Variants in ZNF638 observed in about 807,000 individuals in gnomAD.
The protein encoded by ZNF638 is zinc finger protein 638, also known as CTCL tumor antigen se33-1.
ZNF638 carries 46 observed loss-of-function variants against 195.6 expected under a neutral mutation model. That is an observed-to-expected ratio of 0.24 (90% confidence interval 0.19 to 0.30). The LOEUF is 0.30. Among genes scored for constraint, ZNF638 ranks in the 10% least tolerant of loss-of-function variants. The probability of loss-of-function intolerance (pLI) is 1.00; values close to 1 mark genes in which losing one functional copy is unlikely to be tolerated. For missense variants in ZNF638, 2,440 were observed against 2,325.3 expected (o/e 1.05, Z -1.01); for synonymous variants, 845 against 772.0 (o/e 1.09, Z -1.57).
intron 10 of ZNF638, among the ~76,000 whole-genome samples, chr2:71,394,966 A>G (rs1472288203): frequency 3.9e-5 from 6 of 152,228 alleles, no homozygotes; most frequent in Non-Finnish European, 7.3e-5. Context: ...GAGCATAAGC[A>G]TATCTGTGTC....
At chr2:71,396,048 G>T in intron 10 of ZNF638, 93 bp from the exon 11 acceptor site, 2 of 1,173,486 alleles carry the variant, frequency 1.7e-6, no homozygotes, top group South Asian at 1.3e-5. Context: ...TTCTTGCAGG[G>T]TTCTTTCGAA....
rs542133995 is a variant in ZNF638 at position 71,401,845 on chromosome 2, C to T, written c.2698-111C>T. ...CAGCCTCTTGAGTTTATCAGACTTT[C>T]CTCAGTATTAAATGCAACAATATAC... On this transcript the variant is annotated intron_variant, in intron 15 of 27. Transcript: ENST00000264447. 3 of 941,204 alleles carry T rather than the reference C, an allele frequency of 3.2e-6. No individual in the cohort carries two copies. The Admixed American group carries it at 9.8e-5, about 31-fold the overall frequency. 58.3% of individuals were successfully genotyped at this position (941,204 alleles called of 1,614,324 possible).
rs1055120961 is a variant in ZNF638 at position 71,426,347 on chromosome 2, A to G, written c.4591-113A>G. Reference sequence around the variant, plus strand: ...TTAATTTTAGCCTTTAGGAAAACTAATTTGCACTGAAATTCTCCCAAATGA... The same window carrying G: ...TTAATTTTAGCCTTTAGGAAAACTAGTTTGCACTGAAATTCTCCCAAATGA... On this transcript the variant is annotated intron_variant, in intron 23 of 27. Coordinates refer to ENST00000264447, the MANE Select transcript of ZNF638 (RefSeq NM_014497.5). 6.3e-6 allele frequency: 5 copies of G among 787,624 alleles called. No individual in the cohort carries two copies. In the African/African-American group the frequency reaches 7.0e-5, roughly 11 times the overall value. The allele number at this position is 787,624 out of a possible 1,614,324, so 48.8% of individuals were successfully genotyped here.
chr2:71,407,216 A>G (rs2080123520), intron 19 of ZNF638: 1 of 152,226 alleles, frequency 6.6e-6, no homozygotes, highest in South Asian at 2.1e-4. Context: ...CAACAACTAG[A>G]TAATTTCTTT....
At chr2:71,370,053 T>C (rs1245903323) in intron 8 of ZNF638, 48 bp downstream of exon 8, 1 of 1,576,336 alleles carries the variant, frequency 6.3e-7, no homozygotes, top group South Asian at 1.2e-5. Flanking sequence ...TGTTTTAGTT[T>C]AACTTTTTTG....
At chr2:71,356,801 T>A (rs1296754811) in intron 3 of ZNF638, among the ~76,000 whole-genome samples, 1 of 152,004 alleles carries the variant, frequency 6.6e-6, no homozygotes, top group African/African-American at 2.4e-5. Flanking sequence ...AAAATTTTTT[T>A]TTTTTAAGTA....
chr2:71,370,851 T>C (rs986531709), intron 8 of ZNF638, among the ~76,000 whole-genome samples: 13 of 152,330 alleles, frequency 8.5e-5, no homozygotes, highest in South Asian at 6.2e-4. Flanking sequence ...TATACTCTTA[T>C]AATTGTTTAA....
Position 71,388,487 on chromosome 2 carries a change from A to G in ZNF638, c.2378-7654A>G, listed in dbSNP as rs766332121. 16 of 696,990 alleles carry G rather than the reference A, an allele frequency of 2.3e-5. 1 individual carries two copies. In the Admixed American group the frequency reaches 2.4e-4, roughly 11 times the overall value. 43.2% of individuals were successfully genotyped at this position (696,990 alleles called of 1,614,324 possible). On this transcript the variant is annotated intron_variant, in intron 10 of 27. Coordinates refer to ENST00000264447, the MANE Select transcript of ZNF638 (RefSeq NM_014497.5). ...TCCAGGCCTTTGTCATTAAATCTGTACTAAATAAATACAAGCAGCTCCAGC... is the reference window on the plus strand; with the variant it reads ...TCCAGGCCTTTGTCATTAAATCTGTGCTAAATAAATACAAGCAGCTCCAGC...
chr2:71,387,327 A>G (rs2079661747), intron 10 of ZNF638, among the ~76,000 whole-genome samples: 1 of 152,232 alleles, frequency 6.6e-6, no homozygotes, highest in Non-Finnish European at 1.5e-5. Flanking sequence ...TAGTTGGAAA[A>G]AGATCAATTA....
intron 7 of ZNF638, among the ~76,000 whole-genome samples, chr2:71,369,595 G>A (rs1312280469): frequency 6.6e-6 from 1 of 152,110 alleles, no homozygotes; most frequent in African/African-American, 2.4e-5. Context: ...CTTCCCTCCT[G>A]TTGTTCAGTG....
chr2:71,402,740 G>A (rs191861479), intron 16 of ZNF638, among the ~76,000 whole-genome samples: 23 of 152,272 alleles, frequency 1.5e-4, no homozygotes, highest in African/African-American at 5.5e-4. Context: ...CTTGTAGAAA[G>A]TATGTTTAAT....
chr2:71,422,756 T>C, intron 21 of ZNF638, 58 bp from the exon 22 acceptor site: 5 of 1,526,742 alleles, frequency 3.3e-6, no homozygotes. Context: ...TCATCATAGT[T>C]TGATTTTTGT....
chr2:71,359,389 G>A (rs1460537958), intron 3 of ZNF638, among the ~76,000 whole-genome samples: 7 of 152,128 alleles, frequency 4.6e-5, no homozygotes, highest in Non-Finnish European at 8.8e-5. Flanking sequence ...AGGAGGAGAA[G>A]GGCATCCCGC....
rs111803268 is a variant in ZNF638, at chr2:71,400,349, C to T, written c.2657-129C>T. 4.1e-3 allele frequency: 4,408 copies of T among 1,064,570 alleles called. 92 individuals carry two copies. The African/African-American group carries it at 0.054, about 13-fold the overall frequency. The allele number at this position is 1,064,570 out of a possible 1,614,324, so 65.9% of individuals were successfully genotyped here. A position where few individuals can be genotyped will look rare whatever the true frequency, so the allele number is the denominator to read the frequency against. ...TAAAAGCCAATGTCACTTTTGTAGT[C>T]ATTTTGTACTAATTCTCTAGACTTG... On this transcript the variant is annotated intron_variant, in intron 14 of 27. Transcript: ENST00000264447.
At position 71,427,230 on chromosome 2, in the gene ZNF638, T is replaced by G. The variant is rs776317820; in HGVS notation, c.5361T>G (p.Asp1787Glu). 3 of 1,612,462 alleles carry G rather than the reference T, an allele frequency of 1.9e-6. No individual in the cohort carries two copies. The South Asian group carries it at 3.3e-5, about 18-fold the overall frequency. ...VDEVGEEEDG[D>E]NDLKVELAQS... Reference sequence around the variant, plus strand: ...AAGTTGGAGAGGAGGAAGATGGAGATAATGATTTAAAAGTTGAGTTAGCAC... The same window carrying G: ...AAGTTGGAGAGGAGGAAGATGGAGAGAATGATTTAAAAGTTGAGTTAGCAC... The change falls in exon 24 of 28, where the codon GAT (aspartate) becomes GAG (glutamate). Residue 1787 changes from aspartate to glutamate, a missense_variant. Asp to Glu is a conservative substitution (Grantham distance 45). Transcript: ENST00000264447.
intron 10 of ZNF638, among the ~76,000 whole-genome samples, chr2:71,389,031 T>C (rs746064064): frequency 3.9e-5 from 6 of 152,138 alleles, no homozygotes; most frequent in African/African-American, 7.2e-5. Flanking sequence ...TTTAACCTTA[T>C]GGGCCTTAGT....
chr2:71,379,110 G>T (rs1162854532), intron 8 of ZNF638, among the ~76,000 whole-genome samples: 7 of 152,130 alleles, frequency 4.6e-5, no homozygotes, highest in Non-Finnish European at 1.0e-4. Context: ...AGACCATTAC[G>T]AGGCGATTGT....
chr2:71,370,483 T>TG (rs540557129), intron 8 of ZNF638, among the ~76,000 whole-genome samples: 35 of 152,340 alleles, frequency 2.3e-4, no homozygotes, highest in African/African-American at 8.2e-4. Context: ...GTAACTTTAA[T>TG]TTTTCTAGAT....
At chr2:71,430,082 C>G (rs904009362) in intron 25 of ZNF638, among the ~76,000 whole-genome samples, 4 of 152,252 alleles carry the variant, frequency 2.6e-5, no homozygotes, top group South Asian at 2.1e-4. Context: ...TTAGTTACTG[C>G]TTACGTAACA....
Sources: gnomAD v4.1 joint callset for allele counts (sites outside exome capture counted in the v4.1 genomes callset) on GRCh38, gnomAD v4.1.1 for gene constraint, MANE v1.5 for transcripts, NCBI Gene and HGNC (gene_info 2026-07-23, HGNC 2026-07-21) for gene names.